Variants in TRPM3 observed in about 807,000 individuals in gnomAD.
TRPM3 encodes long transient receptor potential channel 3.
Under a neutral mutation model 181.2 loss-of-function variants are expected in TRPM3, and 77 were observed. The observed-to-expected ratio is 0.42, with a 90% CI of 0.35 to 0.51. TRPM3 has a LOEUF of 0.51. Among genes scored for constraint, TRPM3 ranks in the 20% least tolerant of loss-of-function variants. The pLI, the probability that TRPM3 is intolerant of heterozygous loss-of-function variation, is 0.01. For missense variants in TRPM3, 1,759 were observed against 2,196.7 expected (o/e 0.80, Z 3.98); for synonymous variants, 745 against 796.4 (o/e 0.94, Z 1.09).
chr9:70,637,076 A>C (rs2057336025), intron 11 of TRPM3, among the ~76,000 whole-genome samples: 1 of 152,122 alleles, frequency 6.6e-6, no homozygotes, highest in African/African-American at 2.4e-5. Flanking sequence ...TGCCCATCAG[A>C]GCTCTTTTTC....
At chr9:71,102,070 C>A (rs951496389) in intron 1 of TRPM3, among the ~76,000 whole-genome samples, 6 of 152,108 alleles carry the variant, frequency 3.9e-5, no homozygotes, top group African/African-American at 1.2e-4. Context: ...TTCTCCATAC[C>A]AAAGCAAAAT....
intron 1 of TRPM3, among the ~76,000 whole-genome samples, chr9:71,236,213 T>C (rs998818495): frequency 6.6e-6 from 1 of 152,222 alleles, no homozygotes; most frequent in African/African-American, 2.4e-5. Flanking sequence ...GCTCCTGATT[T>C]CTAGTGTTAG....
intron 1 of TRPM3, among the ~76,000 whole-genome samples, chr9:71,131,972 T>C (rs2134462745): frequency 6.6e-6 from 1 of 152,322 alleles, no homozygotes; most frequent in African/African-American, 2.4e-5. Flanking sequence ...CTTGATGTCA[T>C]AATATACCTT....
chr9:70,598,586 T>C lies in TRPM3; in HGVS notation c.2881A>G (p.Ile961Val). ...ATCATTCCGACAGAAAACAGAAGGA[T>C]GGCGATGAGGTCCGTGACATTCCAG... is the stretch of plus-strand genomic sequence containing the variant. ...EYWNVTDLIA[I>V]LLFSVGMILR... The change falls in exon 21 of 26, where the codon ATC becomes GTC. Residue 961 changes from isoleucine to valine, a missense_variant. Around this residue, in one of 8 missense-constraint regions of TRPM3, gnomAD observed 100 missense variants for 123.0 expected, o/e 0.81. Coordinates refer to ENST00000677713, the MANE Select transcript of TRPM3 (RefSeq NM_001366145.2). The C allele has an allele frequency of 1.2e-6, 2 of 1,614,200 alleles. No homozygotes were observed. The highest frequency in any genetic ancestry group is 1.7e-6 in the Non-Finnish European group (2 of 1,180,036).
upstream of TRPM3, among the ~76,000 whole-genome samples, chr9:71,123,564 G>A (rs1187651685): frequency 1.3e-5 from 2 of 152,186 alleles, no homozygotes; most frequent in Non-Finnish European, 2.9e-5. Context: ...TGAGCTGGAA[G>A]CCCACTGACA....
chr9:71,096,560 GCACACACA>G (rs35388140), intron 1 of TRPM3, among the ~76,000 whole-genome samples: 10 of 78,402 alleles, frequency 1.3e-4, no homozygotes, highest in Non-Finnish European at 2.2e-4. Context: ...GTGAGCGCAT[GCACACACA>G]CACACACACA....
At chr9:70,611,458 C>G (rs1051348931) in intron 18 of TRPM3, among the ~76,000 whole-genome samples, 5 of 152,146 alleles carry the variant, frequency 3.3e-5, no homozygotes, top group Admixed American at 3.3e-4. Flanking sequence ...CTGTCACTCT[C>G]TCTCTCCTGC....
intron 8 of TRPM3, among the ~76,000 whole-genome samples, chr9:70,739,799 G>C (rs945119936): frequency 6.6e-6 from 1 of 152,030 alleles, no homozygotes; most frequent in Admixed American, 6.6e-5. Flanking sequence ...TGTATTTTTA[G>C]TAGAGGTGGA....
intron 1 of TRPM3, among the ~76,000 whole-genome samples, chr9:70,896,003 G>A (rs2096274078): frequency 6.6e-6 from 1 of 152,094 alleles, no homozygotes; most frequent in Non-Finnish European, 1.5e-5. Context: ...AAATGGGCCA[G>A]ACAACAGATG....
At chr9:70,628,264 C>T (rs1179843030) in intron 12 of TRPM3, among the ~76,000 whole-genome samples, 1 of 152,176 alleles carries the variant, frequency 6.6e-6, no homozygotes, top group Non-Finnish European at 1.5e-5. Context: ...GCCCACCCAT[C>T]GTGTCATTTT....
At chr9:70,789,788 C>A (rs1406374352) in intron 6 of TRPM3, among the ~76,000 whole-genome samples, 1 of 152,208 alleles carries the variant, frequency 6.6e-6, no homozygotes, top group Non-Finnish European at 1.5e-5. Flanking sequence ...TACCCTAGGG[C>A]TTTCTAATTA....
At chr9:71,446,645 C>G in intron 1 of TRPM3, 1 of 1,549,262 alleles carries the variant, frequency 6.5e-7, no homozygotes, top group Non-Finnish European at 8.7e-7. Flanking sequence ...TCTCCCCCGG[C>G]CACTCACCGG....
chr9:70,932,028 G>C (rs10120894), intron 1 of TRPM3, among the ~76,000 whole-genome samples: 26,202 of 152,062 alleles, frequency 0.17, 2,489 homozygotes, highest in African/African-American at 0.24. Context: ...TGAGTCCCAG[G>C]TAGACTCAGG....
chr9:70,864,541 A>G, intron 1 of TRPM3, 30 bp from the exon 2 acceptor site: 2 of 1,353,106 alleles, frequency 1.5e-6, no homozygotes, highest in Non-Finnish European at 9.8e-7. Context: ...AAAAAAAAAA[A>G]GAAAAAAGAA....
chr9:70,769,234 A>G (rs2079739760), intron 7 of TRPM3, among the ~76,000 whole-genome samples: 1 of 151,972 alleles, frequency 6.6e-6, no homozygotes, highest in Non-Finnish European at 1.5e-5. Context: ...ATCTCCTGCC[A>G]CTCTGTCACA....
intron 6 of TRPM3, among the ~76,000 whole-genome samples, chr9:70,818,104 CCT>C (rs1227557467): frequency 2.0e-5 from 3 of 152,082 alleles, no homozygotes; most frequent in Non-Finnish European, 4.4e-5. Flanking sequence ...CGCTAGATAA[CCT>C]CTGTCAGATT....
intron 1 of TRPM3, among the ~76,000 whole-genome samples, chr9:71,179,969 C>T (rs1255696069): frequency 5.3e-5 from 8 of 151,498 alleles, no homozygotes; most frequent in African/African-American, 1.7e-4. Context: ...TTGAAACTAC[C>T]ATGTTGGAAA....
chr9:70,839,261 G>C (rs1252039961), intron 5 of TRPM3, among the ~76,000 whole-genome samples: 3 of 152,128 alleles, frequency 2.0e-5, no homozygotes, highest in Non-Finnish European at 4.4e-5. Context: ...TAAGTGTGAG[G>C]CTCTAAGTTG....
At chr9:70,690,915 G>A (rs2068350991) in intron 8 of TRPM3, among the ~76,000 whole-genome samples, 1 of 152,094 alleles carries the variant, frequency 6.6e-6, no homozygotes, top group Non-Finnish European at 1.5e-5. Context: ...ATTCGTATTC[G>A]ATTTTCAGTC....
Sources: gnomAD v4.1 joint callset for allele counts (sites outside exome capture counted in the v4.1 genomes callset) on GRCh38, gnomAD v4.1.1 for gene constraint, gnomAD v4.1.1 regional missense constraint, MANE v1.5 for transcripts, NCBI Gene and HGNC (gene_info 2026-07-23, HGNC 2026-07-21) for gene names.